Variants in ACTN1 observed in about 807,000 individuals in gnomAD.
ACTN1 encodes actinin alpha 1.
A neutral mutation model predicts 119.6 loss-of-function variants in ACTN1; 30 were observed. That is an observed-to-expected ratio of 0.25 (90% confidence interval 0.19 to 0.34). ACTN1 has a LOEUF of 0.34. ACTN1 is among the 10% of genes least tolerant of loss of function. The pLI, the probability that ACTN1 is intolerant of heterozygous loss-of-function variation, is 1.00. For missense variants in ACTN1, 764 were observed against 1,223.4 expected, an observed-to-expected ratio of 0.62 and a Z score of 5.60; for synonymous variants, 429 against 472.6, an observed-to-expected ratio of 0.91 and a Z score of 1.20.
intron 1 of ACTN1, among the ~76,000 whole-genome samples, chr14:68,968,603 A>C (rs1201262509): frequency 3.9e-5 from 6 of 152,262 alleles, no homozygotes; most frequent in Non-Finnish European, 8.8e-5. Context: ...GGGATCAGGG[A>C]GAACACTGCG....
intron 11 of ACTN1, chr14:68,886,969 A>ATT (rs571916404): frequency 2.0e-5 from 3 of 148,630 alleles, no homozygotes; most frequent in Non-Finnish European, 4.4e-5. Context: ...TTCAGGATGG[A>ATT]TTTTTTTTTT....
At chr14:68,963,420 G>T (rs1466820700) in intron 1 of ACTN1, among the ~76,000 whole-genome samples, 1 of 152,170 alleles carries the variant, frequency 6.6e-6, no homozygotes, top group East Asian at 1.9e-4. Flanking sequence ...TTCATTTTAT[G>T]ATTCTCAATG....
chr14:68,972,119 AT>A (rs1468083826), intron 1 of ACTN1, among the ~76,000 whole-genome samples: 2 of 152,022 alleles, frequency 1.3e-5, no homozygotes, highest in Non-Finnish European at 2.9e-5. Flanking sequence ...TTAGGGAGAA[AT>A]TTTCCCCAAG....
intron 11 of ACTN1, among the ~76,000 whole-genome samples, chr14:68,889,921 TCTTACAAGC>T (rs2032339562): frequency 6.6e-6 from 1 of 152,264 alleles, no homozygotes; most frequent in Admixed American, 6.5e-5. Flanking sequence ...CTGATTCAAT[TCTTACAAGC>T]CTGTGAGGTT....
intron 3 of ACTN1, among the ~76,000 whole-genome samples, chr14:68,913,624 G>C (rs985579149): frequency 4.6e-5 from 7 of 152,152 alleles, no homozygotes; most frequent in African/African-American, 1.7e-4. Context: ...AGTCCATGGA[G>C]CAGTGCTTGG....
Position 68,874,954 on chromosome 14 carries a change from C to T in ACTN1, c.2650G>A (p.Ala884Thr). 2 of 1,613,684 alleles carry T rather than the reference C, an allele frequency of 1.2e-6. No individual in the cohort carries two copies. The highest frequency in any genetic ancestry group is 1.7e-6 in the Non-Finnish European group (2 of 1,179,890). ...LPPDQAEYCIARMAPYTGPDS... is the reference protein window; with the variant it reads ...LPPDQAEYCITRMAPYTGPDS... Reference sequence around the variant, plus strand: ...GGGCCGGTGTAGGGGGCCATCCGCGCGATGCAGTACTCAGCCTGGTCGGGT... The same window carrying T: ...GGGCCGGTGTAGGGGGCCATCCGCGTGATGCAGTACTCAGCCTGGTCGGGT... Residue 884 changes from alanine to threonine, a missense_variant, in exon 22 of 22, where the codon GCG becomes ACG. Ala to Thr is a moderately conservative substitution (Grantham distance 58). Around this residue, in one of 4 missense-constraint regions of ACTN1, gnomAD observed 102 missense variants for 78.2 expected, o/e 1.30. Coordinates refer to ENST00000394419, the MANE Select transcript of ACTN1 (RefSeq NM_001130004.2).
At chr14:68,950,273 T>G in intron 1 of ACTN1, among the ~76,000 whole-genome samples, 1 of 125,540 alleles carries the variant, frequency 8.0e-6, no homozygotes, top group African/African-American at 3.3e-5. Context: ...CCAGTCTGGG[T>G]GACAGAGTGA....
chr14:68,978,910 G>GCTGGGGGCTGGGGGCTGGGGC, intron 1 of ACTN1, 42 bp downstream of exon 1: 1 of 1,375,906 alleles, frequency 7.3e-7, no homozygotes. Flanking sequence ...GGGGCTGGGG[G>GCTGGGGGCTGGGGGCTGGGGC]CTGGGGGCTG....
intron 13 of ACTN1, 67 bp from the exon 14 acceptor site, chr14:68,884,375 G>C: frequency 1.3e-6 from 2 of 1,539,048 alleles, no homozygotes; most frequent in Non-Finnish European, 1.8e-6. Context: ...CTCCTATCAA[G>C]ATCCTCCTGG....
chr14:68,965,120 G>A (rs745354207), intron 1 of ACTN1, among the ~76,000 whole-genome samples: 16 of 152,210 alleles, frequency 1.1e-4, no homozygotes, highest in Non-Finnish European at 1.8e-4. Context: ...CGTGTACCCA[G>A]AATAAAGAAT....
intron 1 of ACTN1, among the ~76,000 whole-genome samples, chr14:68,933,594 G>A (rs890841179): frequency 3.3e-5 from 5 of 152,154 alleles, no homozygotes; most frequent in African/African-American, 4.8e-5. Context: ...TCTGTATCAC[G>A]GCAGGAGGTG....
chr14:68,977,709 A>T (rs2037107013), intron 1 of ACTN1: 1 of 309,826 alleles, frequency 3.2e-6, no homozygotes. Context: ...TTTAAGTTTA[A>T]AAAAGGGAAT....
chr14:68,918,598 G>T (rs557031257), intron 3 of ACTN1, among the ~76,000 whole-genome samples: 1 of 146,408 alleles, frequency 6.8e-6, no homozygotes, highest in East Asian at 2.0e-4. Context: ...AAAAAAAAAA[G>T]AAGTTTCAGA....
At chr14:68,918,572 G>A (rs1429252180) in intron 3 of ACTN1, among the ~76,000 whole-genome samples, 1 of 147,756 alleles carries the variant, frequency 6.8e-6, no homozygotes, top group African/African-American at 2.5e-5. Flanking sequence ...GCGACAGAGT[G>A]AGACTCCGTC....
At chr14:68,881,156 T>C (rs2031471717) in intron 16 of ACTN1, 167 bp from the exon 17 acceptor site, 2 of 615,054 alleles carry the variant, frequency 3.3e-6, no homozygotes, top group Non-Finnish European at 5.7e-6. Context: ...TTAGCATGGG[T>C]GCTCTTAGGT....
intron 21 of ACTN1, 74 bp downstream of exon 21, chr14:68,877,008 G>T: frequency 6.4e-7 from 1 of 1,557,224 alleles, no homozygotes; most frequent in Non-Finnish European, 8.7e-7. Context: ...TCATGTTCCA[G>T]CTCTCACCCC....
intron 3 of ACTN1, among the ~76,000 whole-genome samples, chr14:68,913,941 G>A (rs1343179304): frequency 2.0e-5 from 3 of 152,178 alleles, no homozygotes; most frequent in Non-Finnish European, 4.4e-5. Context: ...TCAACTCATA[G>A]ACCTGGCACA....
At chr14:68,967,131 G>A (rs2036733363) in intron 1 of ACTN1, among the ~76,000 whole-genome samples, 1 of 152,212 alleles carries the variant, frequency 6.6e-6, no homozygotes, top group Non-Finnish European at 1.5e-5. Context: ...GACAAGGCCA[G>A]CTTCCCTGGC....
chr14:68,880,212 A>C lies in ACTN1; in HGVS notation c.2134-104T>G, dbSNP rs556059260. 7.0e-5 allele frequency: 100 copies of C among 1,427,296 alleles called. No homozygotes were observed. The Admixed American group carries it at 7.9e-4, about 11-fold the overall frequency. 88.4% of individuals were successfully genotyped at this position (1,427,296 alleles called of 1,614,324 possible). The stretch of plus-strand genomic sequence containing the variant: ...AACCATCAAAATGGCCAAAGCCATC[A>C]AACTTGGCCTTCTGTGTGGCTGAGT... On this transcript the variant is annotated intron_variant, in intron 17 of 21. Transcript: ENST00000394419. The surrounding 1 kb of genome is among the most constrained non-coding windows in gnomAD (Gnocchi z 4.6).
Sources: gnomAD v4.1 joint callset for allele counts (sites outside exome capture counted in the v4.1 genomes callset) on GRCh38, gnomAD v4.1.1 for gene constraint, gnomAD v4.1.1 regional missense constraint, Gnocchi (gnomAD v3.1) non-coding constraint, MANE v1.5 for transcripts, NCBI Gene and HGNC (gene_info 2026-07-23, HGNC 2026-07-21) for gene names.